Variants in AGBL4 observed in about 807,000 individuals in gnomAD.
AGBL4 encodes cytosolic carboxypeptidase 6.
In AGBL4, 58 loss-of-function variants were observed where a neutral mutation model predicts 66.4. The ratio of observed to expected loss-of-function variants is 0.87; its 90% CI spans 0.71 to 1.09. The LOEUF (loss-of-function observed/expected upper bound fraction) is 1.09, where lower values mean the gene tolerates loss of function less well. AGBL4 is among the 50% of genes least tolerant of loss of function. The pLI, the probability that AGBL4 is intolerant of heterozygous loss-of-function variation, is 0.00. For missense variants in AGBL4, 579 were observed against 631.0 expected, an observed-to-expected ratio of 0.92 and a Z score of 0.88; for synonymous variants, 234 against 222.9, an observed-to-expected ratio of 1.05 and a Z score of -0.44.
chr1:49,882,315 G>A (rs1313870210), intron 1 of AGBL4, among the ~76,000 whole-genome samples: 1 of 150,660 alleles, frequency 6.6e-6, no homozygotes, highest in African/African-American at 2.5e-5. Context: ...TTGAAGTCAG[G>A]TAGTGTGATG....
At chr1:49,453,576 T>C (rs1257212235) in intron 3 of AGBL4, among the ~76,000 whole-genome samples, 1 of 151,788 alleles carries the variant, frequency 6.6e-6, no homozygotes, top group Non-Finnish European at 1.5e-5. Context: ...ATAAAGTTAA[T>C]GATATGTTGC....
intron 2 of AGBL4, chr1:49,845,678 C>A (rs1228580494): frequency 6.2e-7 from 1 of 1,603,614 alleles, no homozygotes; most frequent in Non-Finnish European, 8.5e-7. Context: ...TGCAGTGAGT[C>A]TGGGAAAGCC....
intron 5 of AGBL4, among the ~76,000 whole-genome samples, chr1:48,917,838 A>G (rs1341179086): frequency 6.6e-6 from 1 of 152,148 alleles, no homozygotes; most frequent in African/African-American, 2.4e-5. Flanking sequence ...GGTACTTCCT[A>G]CTATATTCAT....
chr1:49,932,233 C>T (rs1356941843), intron 1 of AGBL4, among the ~76,000 whole-genome samples: 5 of 151,930 alleles, frequency 3.3e-5, no homozygotes, highest in Non-Finnish European at 5.9e-5. Context: ...AGCAATGATG[C>T]AAAGGCAGTT....
intron 2 of AGBL4, among the ~76,000 whole-genome samples, chr1:49,785,697 G>A (rs1186956191): frequency 6.6e-6 from 1 of 151,472 alleles, no homozygotes; most frequent in Non-Finnish European, 1.5e-5. Flanking sequence ...TATTTCCAAT[G>A]GTTTTCCTTT....
chr1:49,074,419 A>G lies in AGBL4; in HGVS notation c.378-28619T>C, dbSNP rs550846900. Among the ~76,000 whole-genome samples, 11 of 152,208 alleles carry G rather than the reference A, an allele frequency of 7.2e-5. No homozygotes were observed. The South Asian group carries it at 1.2e-3, about 17-fold the overall frequency. Reference sequence around the variant, plus strand: ...TGCATCCACTGTCCAACCAGTCCCAATGAGATGAACCAGGTACCTCAGTTG... The same window carrying G: ...TGCATCCACTGTCCAACCAGTCCCAGTGAGATGAACCAGGTACCTCAGTTG... On this transcript the variant is annotated intron_variant, in intron 4 of 13. Transcript: ENST00000371839.
chr1:48,819,800 A>T (rs1646270121), intron 6 of AGBL4, among the ~76,000 whole-genome samples: 1 of 152,190 alleles, frequency 6.6e-6, no homozygotes, highest in African/African-American at 2.4e-5. Context: ...TTCTCTTTAA[A>T]GTGTTCTTGC....
chr1:49,184,005 G>A (rs1288566227), intron 4 of AGBL4, among the ~76,000 whole-genome samples: 1 of 152,110 alleles, frequency 6.6e-6, no homozygotes, highest in African/African-American at 2.4e-5. Context: ...GGCCCAGAAA[G>A]GTGAAGGTTT....
chr1:49,374,704 A>G (rs915486688), intron 3 of AGBL4, among the ~76,000 whole-genome samples: 1 of 151,904 alleles, frequency 6.6e-6, no homozygotes, highest in Non-Finnish European at 1.5e-5. Flanking sequence ...CAGCCACTAG[A>G]TTTCCTATAT....
intron 5 of AGBL4, among the ~76,000 whole-genome samples, chr1:49,029,360 G>T (rs1347393585): frequency 2.0e-5 from 3 of 152,028 alleles, no homozygotes; most frequent in Admixed American, 1.3e-4. Context: ...GGTTCAGAAA[G>T]GTTGCAGAAT....
intron 2 of AGBL4, among the ~76,000 whole-genome samples, chr1:49,708,999 G>T (rs1398961293): frequency 6.6e-6 from 1 of 152,166 alleles, no homozygotes; most frequent in Non-Finnish European, 1.5e-5. Flanking sequence ...ATCGACCCCT[G>T]CTGTGAGGTG....
intron 3 of AGBL4, among the ~76,000 whole-genome samples, chr1:49,256,572 C>T (rs1312035459): frequency 2.0e-5 from 3 of 152,006 alleles, no homozygotes; most frequent in East Asian, 1.9e-4. Context: ...AGACATAGAT[C>T]GAAGATTCAT....
chr1:49,201,245 G>A (rs1267620156), intron 4 of AGBL4, among the ~76,000 whole-genome samples: 1 of 152,094 alleles, frequency 6.6e-6, no homozygotes, highest in Non-Finnish European at 1.5e-5. Context: ...TCTTGGACTT[G>A]GTCCTGCATC....
rs35699154 is a variant in AGBL4, at chr1:49,352,366, C to CTTTTTTTTTTTTT, written c.283-106515_283-106503dup. On this transcript the variant is annotated intron_variant, in intron 3 of 13. Coordinates refer to ENST00000371839, the MANE Select transcript of AGBL4 (RefSeq NM_032785.4). Reference sequence around the variant, plus strand: ...AATTATTTGCCCACATGAATTGAAGCTTTTTTTTTTTTTTTTTTTTTTTGT... The same window carrying CTTTTTTTTTTTTT: ...AATTATTTGCCCACATGAATTGAAGCTTTTTTTTTTTTTTTTTTTTTTTTTTTTTTTTTTTTGT... 2.4e-5 allele frequency among the ~76,000 whole-genome samples: 2 copies of CTTTTTTTTTTTTT among 83,112 alleles called. 1 individual carries two copies. Among genetic ancestry groups the CTTTTTTTTTTTTT allele is most frequent in the African/African-American group, 9.5e-5 (2 of 20,954 alleles). 54.5% of individuals were successfully genotyped at this position (83,112 alleles called of 152,430 possible). A position where few individuals can be genotyped will look rare whatever the true frequency, so the allele number is the denominator to read the frequency against.
At chr1:48,946,598 T>A (rs1477982366) in intron 5 of AGBL4, among the ~76,000 whole-genome samples, 1 of 152,196 alleles carries the variant, frequency 6.6e-6, no homozygotes, top group Non-Finnish European at 1.5e-5. Flanking sequence ...AGCTTTGTAA[T>A]GAAAGGCAAA....
intron 11 of AGBL4, chr1:48,584,742 T>A (rs943145343): frequency 2.0e-5 from 3 of 152,228 alleles, no homozygotes; most frequent in African/African-American, 7.2e-5. Context: ...AAAATCTCAG[T>A]TTAGATGTCT....
intron 6 of AGBL4, among the ~76,000 whole-genome samples, chr1:48,668,108 T>C (rs917834271): frequency 6.6e-6 from 1 of 152,132 alleles, no homozygotes; most frequent in Admixed American, 6.5e-5. Flanking sequence ...TGCCCTACTA[T>C]GGGTTTCTAA....
At position 49,199,612 on chromosome 1, in the gene AGBL4, C is replaced by CTACTAGTCTAGTCCTA. The variant is rs1647527214; in HGVS notation, c.377+46142_377+46157dup. Among the ~76,000 whole-genome samples, 5 of 152,286 alleles carry CTACTAGTCTAGTCCTA rather than the reference C, an allele frequency of 3.3e-5. No homozygotes were observed. In the South Asian group the frequency reaches 1.0e-3, roughly 32 times the overall value. Reference sequence around the variant, plus strand: ...AGTAAAATCTGCTTTCTTATGTAGACTACTAGTCTAGTCCTATTCTCTTGA... The same window carrying CTACTAGTCTAGTCCTA: ...AGTAAAATCTGCTTTCTTATGTAGACTACTAGTCTAGTCCTATACTAGTCTAGTCCTATTCTCTTGA... On this transcript the variant is annotated intron_variant, in intron 4 of 13. Transcript: ENST00000371839.
intron 1 of AGBL4, among the ~76,000 whole-genome samples, chr1:49,988,543 A>G (rs1477142333): frequency 2.6e-5 from 4 of 152,184 alleles, no homozygotes; most frequent in African/African-American, 9.6e-5. Context: ...TAAAAAAGAA[A>G]GGCATGCCTG....
Sources: allele counts gnomAD v4.1 joint callset (sites outside exome capture counted in the v4.1 genomes callset), GRCh38; gene constraint gnomAD v4.1.1; transcripts MANE v1.5; gene names NCBI Gene and HGNC (gene_info 2026-07-23, HGNC 2026-07-21).